MARCHF1: variants seen among roughly 807,000 people sequenced by gnomAD.
MARCHF1 encodes E3 ubiquitin-protein ligase MARCHF1.
A neutral mutation model predicts 54.2 loss-of-function variants in MARCHF1; 40 were observed. That is an observed-to-expected ratio of 0.74 (90% CI 0.57 to 0.96). MARCHF1 has a LOEUF of 0.96. MARCHF1 is among the 40% of genes least tolerant of loss of function. MARCHF1 has a pLI of 0.00. For synonymous variants in MARCHF1, 236 were observed against 236.3 expected, an observed-to-expected ratio of 1.00 and a Z score of 0.01; for missense variants, 586 against 656.5, an observed-to-expected ratio of 0.89 and a Z score of 1.17.
intron 1 of MARCHF1, among the ~76,000 whole-genome samples, chr4:164,245,748 A>T (rs1401116518): frequency 5.4e-5 from 8 of 147,248 alleles, no homozygotes; most frequent in Non-Finnish European, 1.2e-4. Flanking sequence ...CAACTTCAGC[A>T]AAGTCTCAGG....
intron 2 of MARCHF1, among the ~76,000 whole-genome samples, chr4:164,079,187 G>A (rs1755043235): frequency 6.6e-6 from 1 of 151,900 alleles, no homozygotes; most frequent in Non-Finnish European, 1.5e-5. Context: ...TTTATACTAT[G>A]GTATTAGCAC....
At chr4:163,613,201 T>A in intron 6 of MARCHF1, 113 bp downstream of exon 6, 2 of 1,323,262 alleles carry the variant, frequency 1.5e-6, no homozygotes, top group South Asian at 1.6e-5. Context: ...CAGTATAAAT[T>A]TTCTATGGAC....
intron 1 of MARCHF1, among the ~76,000 whole-genome samples, chr4:164,228,073 T>C (rs1732308492): frequency 6.6e-6 from 1 of 152,140 alleles, no homozygotes; most frequent in South Asian, 2.1e-4. Flanking sequence ...GTAAGCAAGG[T>C]ATTACACATC....
intron 4 of MARCHF1, among the ~76,000 whole-genome samples, chr4:163,773,975 C>T (rs1441097767): frequency 3.3e-5 from 5 of 151,822 alleles, no homozygotes; most frequent in Admixed American, 2.6e-4. Context: ...GTTTTTTATG[C>T]TTTTTGTTAA....
Position 163,545,750 on chromosome 4 carries a change from T to A in MARCHF1, c.1192-7A>T. On this transcript the variant is annotated splice_polypyrimidine_tract_variant and splice_region_variant and intron_variant, in intron 8 of 9. Transcript: ENST00000514618. ...TCATCTGTAGTTTCTCCCACTGCAATCAGAAATGAAGGACACAAAACTGAA... is the reference window on the plus strand; with the variant it reads ...TCATCTGTAGTTTCTCCCACTGCAAACAGAAATGAAGGACACAAAACTGAA... 1 of 1,612,732 alleles carries A rather than the reference T, an allele frequency of 6.2e-7. No homozygotes were observed. Among genetic ancestry groups the A allele is most frequent in the Non-Finnish European group, 8.5e-7 (1 of 1,179,564 alleles).
chr4:163,575,083 A>C (rs1186160737), intron 8 of MARCHF1, among the ~76,000 whole-genome samples: 2 of 151,886 alleles, frequency 1.3e-5, no homozygotes, highest in African/African-American at 4.8e-5. Flanking sequence ...CGGTGAGAGT[A>C]AGCATCCTTT....
chr4:164,156,072 A>G (rs1450229778), intron 1 of MARCHF1, among the ~76,000 whole-genome samples: 1 of 152,122 alleles, frequency 6.6e-6, no homozygotes, highest in African/African-American at 2.4e-5. Context: ...GGTTTCTTCA[A>G]AGATGGTTTA....
Position 163,636,895 on chromosome 4 carries a change from G to T in MARCHF1, c.163-23502C>A, listed in dbSNP as rs550767216. Among the ~76,000 whole-genome samples, 13 of 152,310 alleles carry T rather than the reference G, an allele frequency of 8.5e-5. No individual in the cohort carries two copies. In the South Asian group the frequency reaches 2.7e-3, roughly 32 times the overall value. ...ACAGCATGGTACTGGTACCAAAACA[G>T]AGATACAGATCAATGGAACAGGACA... On this transcript the variant is annotated intron_variant, in intron 5 of 9. Transcript: ENST00000514618.
intron 3 of MARCHF1, among the ~76,000 whole-genome samples, chr4:163,980,931 C>T (rs1041410057): frequency 6.6e-6 from 1 of 152,148 alleles, no homozygotes; most frequent in Non-Finnish European, 1.5e-5. Context: ...CAACTTTCAG[C>T]CACTAAGCAT....
intron 1 of MARCHF1, among the ~76,000 whole-genome samples, chr4:164,378,381 C>T (rs1731261563): frequency 6.6e-6 from 1 of 152,170 alleles, no homozygotes; most frequent in East Asian, 1.9e-4. Context: ...CTTGATTTTA[C>T]CTACATGAGA....
At chr4:164,267,836 A>G (rs185452425) in intron 1 of MARCHF1, among the ~76,000 whole-genome samples, 11 of 152,230 alleles carry the variant, frequency 7.2e-5, no homozygotes, top group African/African-American at 2.6e-4. Context: ...CTCTGAGTGG[A>G]CAGAGAAAAT....
At chr4:163,563,035 C>T (rs79473487) in intron 8 of MARCHF1, among the ~76,000 whole-genome samples, 12 of 152,306 alleles carry the variant, frequency 7.9e-5, no homozygotes, top group South Asian at 2.1e-4. Flanking sequence ...CTGGACACTT[C>T]GTTCTCCACA....
At chr4:164,128,800 G>C (rs75898295) in intron 1 of MARCHF1, among the ~76,000 whole-genome samples, 102 of 152,146 alleles carry the variant, frequency 6.7e-4, no homozygotes, top group African/African-American at 2.2e-3. Context: ...TTCTCCCTGT[G>C]GTCTTCTCAT....
intron 8 of MARCHF1, among the ~76,000 whole-genome samples, chr4:163,577,396 GA>G (rs988183411): frequency 6.6e-6 from 1 of 152,014 alleles, no homozygotes; most frequent in Non-Finnish European, 1.5e-5. Context: ...TAAGAATGCT[GA>G]AAATGGGCCT....
intron 3 of MARCHF1, among the ~76,000 whole-genome samples, chr4:163,910,293 C>T (rs1751162097): frequency 6.6e-6 from 1 of 152,100 alleles, no homozygotes; most frequent in Admixed American, 6.5e-5. Flanking sequence ...TAAACAACAA[C>T]CATTAGACAC....
chr4:164,015,218 C>T (rs373629565), intron 2 of MARCHF1, among the ~76,000 whole-genome samples: 1 of 152,038 alleles, frequency 6.6e-6, no homozygotes, highest in East Asian at 1.9e-4. Flanking sequence ...ACAGTATCTC[C>T]AATAAATAGT....
At chr4:163,964,017 G>A (rs1579425816) in intron 3 of MARCHF1, among the ~76,000 whole-genome samples, 1 of 151,932 alleles carries the variant, frequency 6.6e-6, no homozygotes, top group South Asian at 2.1e-4. Context: ...TTACTTTGGG[G>A]TAATTTGTTA....
At chr4:163,965,519 G>GCATTTCTCT (rs1752425243) in intron 3 of MARCHF1, among the ~76,000 whole-genome samples, 1 of 151,998 alleles carries the variant, frequency 6.6e-6, no homozygotes, top group South Asian at 2.1e-4. Context: ...GGACTAAACT[G>GCATTTCTCT]CATTTCTCTC....
chr4:164,040,834 TAA>T (rs575814085), intron 2 of MARCHF1, among the ~76,000 whole-genome samples: 94 of 152,150 alleles, frequency 6.2e-4, no homozygotes, highest in African/African-American at 2.2e-3. Flanking sequence ...ATTTGGAAAA[TAA>T]GGTTGGCCAT....
Sources: allele counts gnomAD v4.1 joint callset (sites outside exome capture counted in the v4.1 genomes callset), GRCh38; gene constraint gnomAD v4.1.1; transcripts MANE v1.5; gene names NCBI Gene and HGNC (gene_info 2026-07-23, HGNC 2026-07-21).